NR2C2AP: variants seen among roughly 807,000 people sequenced by gnomAD.
NR2C2AP encodes nuclear receptor 2C2 associated protein, also known as nuclear receptor 2C2-associated protein.
A neutral mutation model predicts 19.1 loss-of-function variants in NR2C2AP; 13 were observed. The observed-to-expected ratio is 0.68, with a 90% CI of 0.44 to 1.08. The LOEUF (loss-of-function observed/expected upper bound fraction) is 1.08, where lower values mean the gene tolerates loss of function less well. Among genes scored for constraint, NR2C2AP ranks in the 50% least tolerant of loss-of-function variants. NR2C2AP has a pLI of 0.00. For missense variants in NR2C2AP, 181 were observed against 172.7 expected (o/e 1.05, Z -0.27); for synonymous variants, 81 against 64.4 (o/e 1.26, Z -1.23).
intron 4 of NR2C2AP, 112 bp downstream of exon 4, chr19:19,202,219 G>T: frequency 8.2e-7 from 1 of 1,221,160 alleles, no homozygotes; most frequent in Non-Finnish European, 1.2e-6. Context: ...AAAAAGTGGA[G>T]TCCTAGAGGT....
Position 19,202,807 on chromosome 19 carries a change from C to T in NR2C2AP, c.113G>A (p.Cys38Tyr), listed in dbSNP as rs769596548. 12 of 1,613,764 alleles carry T rather than the reference C, an allele frequency of 7.4e-6. No individual in the cohort carries two copies. In the East Asian group the frequency reaches 2.4e-4, roughly 33 times the overall value. The change falls in exon 2 of 5, where the codon TGT becomes TAT. Residue 38 changes from cysteine to tyrosine, a missense_variant. Coordinates refer to ENST00000331552, the MANE Select transcript of NR2C2AP (RefSeq NM_176880.6). The stretch of plus-strand genomic sequence containing the variant: ...GCGCCTCACCTGGTCTGAGTTCCAA[C>T]ATGTCTCCTCATCCTGGTCGAAAAG... ...KHLFDQDEET[C>Y]WNSDQGPSQW... is the part of the protein sequence containing the mutation.
chr19:19,202,142 C>T lies in NR2C2AP; in HGVS notation c.304-101G>A, dbSNP rs918643759. 11 of 1,345,472 alleles carry T rather than the reference C, an allele frequency of 8.2e-6. No homozygotes were observed. The African/African-American group carries it at 1.6e-4, about 19-fold the overall frequency. The allele number at this position is 1,345,472 out of a possible 1,614,324, so 83.3% of individuals were successfully genotyped here. ...CTCACACTCCACCGATGTGGGCAACCTGGGGAAGCTGCAGGTCCCTCTAAG... is the reference window on the plus strand; with the variant it reads ...CTCACACTCCACCGATGTGGGCAACTTGGGGAAGCTGCAGGTCCCTCTAAG... On this transcript the variant is annotated intron_variant, in intron 4 of 4. Coordinates refer to ENST00000331552, the MANE Select transcript of NR2C2AP (RefSeq NM_176880.6).
chr19:19,201,782 C>T lies in NR2C2AP; in HGVS notation c.*143G>A. On this transcript the variant is annotated 3_prime_UTR_variant, in exon 5 of 5. Coordinates refer to ENST00000331552, the MANE Select transcript of NR2C2AP (RefSeq NM_176880.6). ...AATGGTCAGCCAGAGCTGGGGAAAC[C>T]CAGAACTGACTTCAAAGGCAGCTTC... is the stretch of plus-strand genomic sequence containing the variant. The T allele has an allele frequency of 6.2e-7, 1 of 1,613,386 alleles. No individual in the cohort carries two copies. The highest frequency in any genetic ancestry group is 1.7e-4 in the Middle Eastern group (1 of 6,060).
intron 2 of NR2C2AP, 108 bp from the exon 3 acceptor site, chr19:19,202,683 G>A (rs1181126971): frequency 6.5e-6 from 9 of 1,393,844 alleles, no homozygotes; most frequent in South Asian, 5.8e-5. Flanking sequence ...AAGGAAATTC[G>A]GCACATGTTC....
chr19:19,202,048 G>A lies in NR2C2AP; in HGVS notation c.304-7C>T, dbSNP rs148661146. ...CAGCTGGTATGGGGAAAGTGTGAGC[G>A]TGGGCAGTCAAGGGAAACTGGTGAT... On this transcript the variant is annotated splice_polypyrimidine_tract_variant and splice_region_variant and intron_variant, in intron 4 of 4. Coordinates refer to ENST00000331552, the MANE Select transcript of NR2C2AP (RefSeq NM_176880.6). 2.0e-4 allele frequency: 324 copies of A among 1,614,032 alleles called. No individual in the cohort carries two copies. The highest frequency in any genetic ancestry group is 1.2e-3 in the Middle Eastern group (7 of 6,050).
In NR2C2AP at chr19:19,201,814, G is replaced by A. The variant is rs1568586339; in HGVS notation, c.*111C>T. Reference sequence around the variant, plus strand: ...TGACTTCAAAGGCAGCTTCTGGACAGGTGGTGGGAGGGGACCCTTCCCAAG... The same window carrying A: ...TGACTTCAAAGGCAGCTTCTGGACAAGTGGTGGGAGGGGACCCTTCCCAAG... On this transcript the variant is annotated 3_prime_UTR_variant, in exon 5 of 5. Transcript: ENST00000331552. The A allele has an allele frequency of 1.2e-6, 2 of 1,612,120 alleles. No homozygotes were observed. Among genetic ancestry groups the A allele is most frequent in the South Asian group, 1.1e-5 (1 of 90,910 alleles).
chr19:19,202,720 C>T, intron 2 of NR2C2AP, 71 bp downstream of exon 2: 2 of 1,492,860 alleles, frequency 1.3e-6, no homozygotes, highest in Non-Finnish European at 1.9e-6. Context: ...TGAGGGCCCC[C>T]TGACGTTCTC....
In NR2C2AP at chr19:19,203,333, G is replaced by A. The variant is rs895680984; in HGVS notation, c.-273C>T. ...TTTCACAGGAAACAGATTTCCCGCG[G>A]GTTTCGGGGGCGGTGGCTTTTTGTG... is the stretch of plus-strand genomic sequence containing the variant. On this transcript the variant is annotated 5_prime_UTR_variant, in exon 1 of 5. Transcript: ENST00000331552. The A allele has an allele frequency of 1.8e-6, 1 of 554,500 alleles. No individual in the cohort carries two copies. Among genetic ancestry groups the A allele is most frequent in the Non-Finnish European group, 3.2e-6 (1 of 308,026 alleles). The allele number at this position is 554,500 out of a possible 1,614,324, so 34.3% of individuals were successfully genotyped here.
chr19:19,201,759 T>C lies in NR2C2AP; in HGVS notation c.*166A>G, dbSNP rs376935004. The C allele has an allele frequency of 3.7e-6, 6 of 1,613,478 alleles. No individual in the cohort carries two copies. Among genetic ancestry groups the C allele is most frequent in the Admixed American group, 1.7e-5 (1 of 59,994 alleles). ...GGACTCAGACACTCAGGGAACAAAA[T>C]GGTCAGCCAGAGCTGGGGAAACCCA... On this transcript the variant is annotated 3_prime_UTR_variant, in exon 5 of 5. Transcript: ENST00000331552.
rs1159381466 is a variant in NR2C2AP, at chr19:19,201,935, T to TC, written c.409dup (p.Glu137GlyfsTer48). ...CAGCCCCTAGAGGTCTCACACCTTCTCCCCAAGCACCCGCAGGTGGTAGAT... is the reference window on the plus strand; with the variant it reads ...CAGCCCCTAGAGGTCTCACACCTTCTCCCCCAAGCACCCGCAGGTGGTAGAT... On this transcript the variant is annotated frameshift_variant, in exon 5 of 5. Coordinates refer to ENST00000331552, the MANE Select transcript of NR2C2AP (RefSeq NM_176880.6). LOFTEE classifies it high-confidence loss of function. 3 of 1,614,102 alleles carry TC rather than the reference T, an allele frequency of 1.9e-6. No individual in the cohort carries two copies. The highest frequency in any genetic ancestry group is 2.5e-6 in the Non-Finnish European group (3 of 1,180,010).
In NR2C2AP at chr19:19,202,320, G is replaced by A. The variant is rs780281553; in HGVS notation, c.303+11C>T. 66 of 1,613,654 alleles carry A rather than the reference G, an allele frequency of 4.1e-5. No homozygotes were observed. Among genetic ancestry groups the A allele is most frequent in the Non-Finnish European group, 5.5e-5 (65 of 1,179,660 alleles). On this transcript the variant is annotated intron_variant, in intron 4 of 4. Coordinates refer to ENST00000331552, the MANE Select transcript of NR2C2AP (RefSeq NM_176880.6). ...CACAGACCACCCACCCCAGAAGCAG[G>A]GGCAGGATATCTGAAGCGAGTTGTT...
chr19:19,202,992 C>T lies in NR2C2AP; in HGVS notation c.38+31G>A, dbSNP rs200142645. ...GAGGGCTCGACCCCAGGCTTAGGGC[C>T]TCGCCACTGCCTGTCCCCACAGACT... On this transcript the variant is annotated intron_variant, in intron 1 of 4. Transcript: ENST00000331552. The T allele has an allele frequency of 9.7e-5, 157 of 1,613,984 alleles. 3 individuals carry two copies. The Admixed American group carries it at 1.5e-3, about 15-fold the overall frequency.
At position 19,202,772 on chromosome 19, in the gene NR2C2AP, G is replaced by A. The variant is rs529429905; in HGVS notation, c.129+19C>T. ...ATCTGAATCACCCTAGAGATGGAGG[G>A]TCGAGGGAGGCGCCTCACCTGGTCT... On this transcript the variant is annotated intron_variant, in intron 2 of 4. Coordinates refer to ENST00000331552, the MANE Select transcript of NR2C2AP (RefSeq NM_176880.6). The A allele has an allele frequency of 5.0e-6, 8 of 1,605,022 alleles. No homozygotes were observed. The highest frequency in any genetic ancestry group is 1.1e-5 in the South Asian group (1 of 90,902).
rs751014086 is a variant in NR2C2AP at position 19,201,998 on chromosome 19, G to A, written c.347C>T (p.Thr116Met). Reference protein sequence around the residue: ...PAAEVDRLKVTFEDATDFFGR... With the variant: ...PAAEVDRLKVMFEDATDFFGR... ...AAAAAAGTCAGTGGCATCCTCAAACGTCACCTTCAGCCGGTCCACTTCAGC... is the reference window on the plus strand; with the variant it reads ...AAAAAAGTCAGTGGCATCCTCAAACATCACCTTCAGCCGGTCCACTTCAGC... Residue 116 changes from threonine (T) to methionine (M), a missense_variant, in exon 5 of 5, where the codon ACG becomes ATG. Coordinates refer to ENST00000331552, the MANE Select transcript of NR2C2AP (RefSeq NM_176880.6). 6 of 1,614,056 alleles carry A rather than the reference G, an allele frequency of 3.7e-6. No homozygotes were observed. The highest frequency in any genetic ancestry group is 1.3e-5 in the African/African-American group (1 of 74,924).
At chr19:19,202,646 C>A in intron 2 of NR2C2AP, 71 bp from the exon 3 acceptor site, 1 of 1,449,620 alleles carries the variant, frequency 6.9e-7, no homozygotes. Flanking sequence ...CTGTCTCATT[C>A]ACATAGTTCT....
In NR2C2AP at chr19:19,202,853, G is replaced by A. The variant is rs773638257; in HGVS notation, c.67C>T (p.Arg23Trp). ...RVSSVLNRNT[R>W]QFGKKHLFDQ... is the part of the protein sequence containing the mutation. ...AAAAGATGTTTTTTTCCAAACTGCCGAGTGTTGCGATTCAGCACTGAACTC... is the reference window on the plus strand; with the variant it reads ...AAAAGATGTTTTTTTCCAAACTGCCAAGTGTTGCGATTCAGCACTGAACTC... Residue 23 changes from arginine (R) to tryptophan (W), a missense_variant, in exon 2 of 5, where the codon CGG becomes TGG. Physicochemically the swap from Arg to Trp is moderately radical, Grantham distance 101 (BLOSUM62 -3). Transcript: ENST00000331552. The A allele has an allele frequency of 2.5e-6, 4 of 1,613,612 alleles. No individual in the cohort carries two copies. Among genetic ancestry groups the A allele is most frequent in the African/African-American group, 1.3e-5 (1 of 74,922 alleles).
At position 19,202,355 on chromosome 19, in the gene NR2C2AP, G is replaced by A. The variant is rs577513096; in HGVS notation, c.279C>T (p.Tyr93=). The A allele has an allele frequency of 5.0e-6, 8 of 1,614,212 alleles. No homozygotes were observed. The Admixed American group carries it at 1.2e-4, about 24-fold the overall frequency. Residue 93 remains tyrosine (Y), a synonymous_variant, in exon 4 of 5, where the codon TAC becomes TAT. Transcript: ENST00000331552. ...TCTGAAGCGAGTTGTTGTCCTCAGG[G>A]TAGAAATCTACAATCTTGTGGAGAG... ...TQALHKIVDF[Y]PEDNNSLQTF...
chr19:19,203,031 T>C lies in NR2C2AP; in HGVS notation c.30A>G (p.Thr10=), dbSNP rs1319772135. MTHSLVCPE[T]VSRVSSVLNR... ...TCCCCACAGACTCTTACCTGCTCACTGTCTCTGGACAAACCAAAGAGTGGG... is the reference window on the plus strand; with the variant it reads ...TCCCCACAGACTCTTACCTGCTCACCGTCTCTGGACAAACCAAAGAGTGGG... Residue 10 remains threonine, a synonymous_variant, in exon 1 of 5, where the codon ACA becomes ACG. Coordinates refer to ENST00000331552, the MANE Select transcript of NR2C2AP (RefSeq NM_176880.6). The C allele has an allele frequency of 6.2e-7, 1 of 1,614,128 alleles. No individual in the cohort carries two copies. Among genetic ancestry groups the C allele is most frequent in the South Asian group, 1.1e-5 (1 of 91,084 alleles).
rs1480371567 is a variant in NR2C2AP at position 19,201,972 on chromosome 19, C to G, written c.373G>C (p.Gly125Arg). Reference protein sequence around the residue: ...VTFEDATDFFGRVVIYHLRVL... With the variant: ...VTFEDATDFFRRVVIYHLRVL... ...CGCAGGTGGTAGATGACCACACGGC[C>G]AAAAAAGTCAGTGGCATCCTCAAAC... The change falls in exon 5 of 5, where the codon GGC becomes CGC. Residue 125 changes from glycine (G) to arginine (R), a missense_variant. Gly to Arg is a moderately radical substitution (Grantham distance 125). Coordinates refer to ENST00000331552, the MANE Select transcript of NR2C2AP (RefSeq NM_176880.6). 1.9e-6 allele frequency: 3 copies of G among 1,614,132 alleles called. No individual in the cohort carries two copies. Among genetic ancestry groups the G allele is most frequent in the South Asian group, 1.1e-5 (1 of 91,078 alleles).
Sources: gnomAD v4.1 joint callset for allele counts on GRCh38, gnomAD v4.1.1 for gene constraint, MANE v1.5 for transcripts, NCBI Gene and HGNC (gene_info 2026-07-23, HGNC 2026-07-21) for gene names.